Variants in DOK6 observed in about 807,000 individuals in gnomAD.
DOK6 encodes docking protein 6, also known as downstream of tyrosine kinase 6.
A neutral mutation model predicts 44.0 loss-of-function variants in DOK6; 22 were observed. That is an observed-to-expected ratio of 0.50 (90% CI 0.36 to 0.71). The LOEUF (loss-of-function observed/expected upper bound fraction) is 0.71, where lower values mean the gene tolerates loss of function less well. DOK6 is among the 30% of genes least tolerant of loss of function. The pLI is 0.00. For synonymous variants in DOK6, 166 were observed against 145.5 expected, an observed-to-expected ratio of 1.14 and a Z score of -1.01; for missense variants, 340 against 416.4, an observed-to-expected ratio of 0.82 and a Z score of 1.60.
intron 3 of DOK6, among the ~76,000 whole-genome samples, chr18:69,600,760 T>G (rs1983852925): frequency 6.6e-6 from 1 of 152,224 alleles, no homozygotes; most frequent in Admixed American, 6.5e-5. Context: ...TGAGCAATAT[T>G]TTGAATGTAT....
At chr18:69,631,855 T>C (rs1984698079) in intron 3 of DOK6, among the ~76,000 whole-genome samples, 1 of 152,212 alleles carries the variant, frequency 6.6e-6, no homozygotes, top group South Asian at 2.1e-4. Flanking sequence ...TTCCTGAAAA[T>C]ACATTTGTTT....
intron 1 of DOK6, chr18:69,471,807 G>A (rs1023629778): frequency 6.6e-6 from 1 of 152,162 alleles, no homozygotes; most frequent in African/African-American, 2.4e-5. Context: ...ATTGTTCTTG[G>A]TTGAGCCTGA....
intron 3 of DOK6, among the ~76,000 whole-genome samples, chr18:69,624,014 G>C (rs796973091): frequency 2.6e-5 from 4 of 152,256 alleles, no homozygotes; most frequent in African/African-American, 9.6e-5. Flanking sequence ...AATGGTAACT[G>C]CCAGTATTAT....
chr18:69,832,027 TC>T (rs1180108553), intron 7 of DOK6, among the ~76,000 whole-genome samples: 2 of 152,186 alleles, frequency 1.3e-5, no homozygotes, highest in Non-Finnish European at 2.9e-5. Context: ...GCCCTTTCTT[TC>T]TTTTGCGTAA....
chr18:69,414,838 A>G (rs568510457), intron 1 of DOK6, among the ~76,000 whole-genome samples: 82 of 152,114 alleles, frequency 5.4e-4, no homozygotes, highest in Non-Finnish European at 7.2e-4. Flanking sequence ...AAGAAGGAGC[A>G]TCAAAACCTA....
intron 1 of DOK6, chr18:69,532,961 C>A (rs1242891482): frequency 6.6e-6 from 1 of 152,066 alleles, no homozygotes; most frequent in Non-Finnish European, 1.5e-5. Flanking sequence ...TCTCAGAAAA[C>A]AGCTTTATGG....
intron 7 of DOK6, among the ~76,000 whole-genome samples, chr18:69,759,426 A>T (rs919502603): frequency 3.9e-5 from 6 of 152,238 alleles, no homozygotes; most frequent in Non-Finnish European, 8.8e-5. Flanking sequence ...AAAAACTATC[A>T]GATTTCTAAG....
rs118005885 is a variant in DOK6 at position 69,614,647 on chromosome 18, G to A, written c.289+15149G>A. ...AAACCTGTATTGGTTTCAATATGTG[G>A]CGTAGAAACTGTAAATAGAAATTAA... On this transcript the variant is annotated intron_variant, in intron 3 of 7. Transcript: ENST00000382713. Among the ~76,000 whole-genome samples, 1,208 of 151,708 alleles carry A rather than the reference G, an allele frequency of 8.0e-3. 6 individuals are homozygous for A. The highest frequency in any genetic ancestry group is 0.013 in the Non-Finnish European group (876 of 67,926).
At chr18:69,438,928 T>G (rs190779985) in intron 1 of DOK6, among the ~76,000 whole-genome samples, 185 of 152,168 alleles carry the variant, frequency 1.2e-3, no homozygotes, top group Admixed American at 3.5e-3. Flanking sequence ...AAAAAATAGC[T>G]GGGTGTTGTA....
Position 69,738,987 on chromosome 18 carries a change from CTA to C in DOK6, c.624_625del (p.Phe209HisfsTer23). 1.2e-6 allele frequency: 2 copies of C among 1,614,036 alleles called. No homozygotes were observed. Among genetic ancestry groups the C allele is most frequent in the Non-Finnish European group, 1.7e-6 (2 of 1,179,922 alleles). On this transcript the variant is annotated frameshift_variant, in exon 6 of 8. Coordinates refer to ENST00000382713, the MANE Select transcript of DOK6 (RefSeq NM_152721.6). LOFTEE classifies it high-confidence loss of function. ...SGRMCDTGEG[L>X]FTFQTREGEM... ...CAGAATGTGTGACACAGGAGAAGGA[CTA>C]TTCACTTTTCAAACAAGGGAAGGAG...
chr18:69,467,395 G>A (rs1199190975), intron 1 of DOK6, among the ~76,000 whole-genome samples: 1 of 152,056 alleles, frequency 6.6e-6, no homozygotes, highest in Non-Finnish European at 1.5e-5. Flanking sequence ...AACTTATTTT[G>A]AATCAGGAAC....
At chr18:69,706,007 C>T (rs1297455822) in intron 5 of DOK6, among the ~76,000 whole-genome samples, 5 of 151,896 alleles carry the variant, frequency 3.3e-5, no homozygotes, top group Admixed American at 6.6e-5. Flanking sequence ...CCAGGTACAA[C>T]TCAATACATG....
At chr18:69,640,575 C>T (rs189693932) in intron 3 of DOK6, among the ~76,000 whole-genome samples, 240 of 152,238 alleles carry the variant, frequency 1.6e-3, no homozygotes, top group Middle Eastern at 0.01. Flanking sequence ...TGATGAATGA[C>T]AGAAGCAACA....
intron 2 of DOK6, among the ~76,000 whole-genome samples, chr18:69,585,414 A>T (rs1983475859): frequency 6.6e-6 from 1 of 152,212 alleles, no homozygotes; most frequent in African/African-American, 2.4e-5. Context: ...AGTTTTCACA[A>T]ATATTCCAAA....
At position 69,709,038 on chromosome 18, in the gene DOK6, C is replaced by T. The variant is rs1042043838; in HGVS notation, c.599+10445C>T. Among the ~76,000 whole-genome samples the T allele has an allele frequency of 2.7e-4, 41 of 152,242 alleles. 1 individual carries two copies. The highest frequency in any genetic ancestry group is 2.2e-3 in the Admixed American group (33 of 15,300). On this transcript the variant is annotated intron_variant, in intron 5 of 7. Transcript: ENST00000382713. ...TTGCAAACAGTGAACCGAGTGTGAA[C>T]TCACAGTGGGGCTCTCTCTGTGGGA...
intron 1 of DOK6, among the ~76,000 whole-genome samples, chr18:69,438,938 A>C (rs1264271512): frequency 6.6e-6 from 1 of 152,040 alleles, no homozygotes; most frequent in Non-Finnish European, 1.5e-5. Context: ...TGGGTGTTGT[A>C]GCACACGCCT....
chr18:69,845,531 G>A lies in DOK6; in HGVS notation c.*4148G>A, dbSNP rs1982327409. 1 of 152,226 alleles carries A rather than the reference G, an allele frequency of 6.6e-6. No homozygotes were observed. Among genetic ancestry groups the A allele is most frequent in the Non-Finnish European group, 1.5e-5 (1 of 68,038 alleles). The allele number at this position is 152,226 out of a possible 1,614,324, so 9.4% of individuals were successfully genotyped here. ...TTAGCTTATGCAATTTATGGGGTGT[G>A]TGTTTGCAGACTATGAAATGTATGA... On this transcript the variant is annotated 3_prime_UTR_variant, in exon 8 of 8. Transcript: ENST00000382713.
At chr18:69,639,111 A>T (rs4353555) in intron 3 of DOK6, among the ~76,000 whole-genome samples, 54 of 152,068 alleles carry the variant, frequency 3.6e-4, no homozygotes, top group African/African-American at 1.0e-3. Flanking sequence ...AGTCTAGAAG[A>T]TGCAAATAAA....
intron 3 of DOK6, among the ~76,000 whole-genome samples, chr18:69,620,149 T>C (rs1984407174): frequency 6.6e-6 from 1 of 152,274 alleles, no homozygotes; most frequent in African/African-American, 2.4e-5. Flanking sequence ...ATTATAATGC[T>C]TTGCATACTT....
Sources: gnomAD v4.1 joint callset for allele counts (sites outside exome capture counted in the v4.1 genomes callset) on GRCh38, gnomAD v4.1.1 for gene constraint, MANE v1.5 for transcripts, NCBI Gene and HGNC (gene_info 2026-07-23, HGNC 2026-07-21) for gene names.